The following CNTNAP4 variants were observed in gnomAD, a reference collection of about 807,000 sequenced individuals.
The protein encoded by CNTNAP4 is contactin-associated protein-like 4.
Under a neutral mutation model 148.4 loss-of-function variants are expected in CNTNAP4, and 98 were observed. The ratio of observed to expected loss-of-function variants is 0.66; its 90% CI spans 0.56 to 0.78. The LOEUF is 0.78. CNTNAP4 is among the 30% of genes least tolerant of loss of function. The pLI, the probability that CNTNAP4 is intolerant of heterozygous loss-of-function variation, is 0.00. For synonymous variants in CNTNAP4, 730 were observed against 565.1 expected, an observed-to-expected ratio of 1.29 and a Z score of -4.14; for missense variants, 1,935 against 1,565.6, an observed-to-expected ratio of 1.24 and a Z score of -3.98.
At chr16:76,423,298 GTAC>G (rs2079258722) in intron 3 of CNTNAP4, among the ~76,000 whole-genome samples, 1 of 152,090 alleles carries the variant, frequency 6.6e-6, no homozygotes, top group Non-Finnish European at 1.5e-5. Flanking sequence ...AACCAGAGGA[GTAC>G]TTTAAGAGTG....
At chr16:76,303,037 T>C (rs1960145568) in intron 1 of CNTNAP4, among the ~76,000 whole-genome samples, 1 of 152,232 alleles carries the variant, frequency 6.6e-6, no homozygotes, top group African/African-American at 2.4e-5. Context: ...TGCCAGCTTT[T>C]AGCCAAGCTT....
At chr16:76,347,869 A>C (rs1006020304) in intron 2 of CNTNAP4, among the ~76,000 whole-genome samples, 1 of 152,154 alleles carries the variant, frequency 6.6e-6, no homozygotes, top group African/African-American at 2.4e-5. Flanking sequence ...ATCATTGAGG[A>C]CATTGCAGGT....
chr16:76,415,611 T>C (rs1283772433), intron 3 of CNTNAP4, among the ~76,000 whole-genome samples: 1 of 149,566 alleles, frequency 6.7e-6, no homozygotes, highest in Admixed American at 6.8e-5. Flanking sequence ...AGTGCAGAAA[T>C]TGATGAGTTC....
In CNTNAP4 at chr16:76,316,373, G is replaced by A. The variant is rs747045568; in HGVS notation, c.86-40G>A. On this transcript the variant is annotated intron_variant, in intron 1 of 23. Coordinates refer to ENST00000611870, the MANE Select transcript of CNTNAP4 (RefSeq NM_033401.5). The stretch of plus-strand genomic sequence containing the variant: ...GTCTATTGATTCCACGAAAGCCTCA[G>A]CACTAACTAACCCTAACGTGGCATT... The A allele has an allele frequency of 3.7e-6, 5 of 1,348,718 alleles. No homozygotes were observed. In the South Asian group the frequency reaches 4.7e-5, roughly 13 times the overall value. The allele number at this position is 1,348,718 out of a possible 1,614,324, so 83.5% of individuals were successfully genotyped here.
Position 76,553,509 on chromosome 16 carries a change from A to G in CNTNAP4, c.3661+8A>G. ...GGACACACTCGTTTGCAGGTGACTT[A>G]GAGTTCTTCCTCTACTCAGTCACAG... On this transcript the variant is annotated splice_region_variant and intron_variant, in intron 22 of 23. Coordinates refer to ENST00000611870, the MANE Select transcript of CNTNAP4 (RefSeq NM_033401.5). 1 of 1,594,764 alleles carries G rather than the reference A, an allele frequency of 6.3e-7. No homozygotes were observed. The highest frequency in any genetic ancestry group is 8.6e-7 in the Non-Finnish European group (1 of 1,166,508).
intron 4 of CNTNAP4, among the ~76,000 whole-genome samples, chr16:76,436,938 A>T (rs2079849416): frequency 6.6e-6 from 1 of 151,724 alleles, no homozygotes. Context: ...TGTATTAGTC[A>T]GTATTAATCT....
At chr16:76,558,330 C>A (rs2085280505) in intron 23 of CNTNAP4, 160 bp from the exon 24 acceptor site, 3 of 549,372 alleles carry the variant, frequency 5.5e-6, no homozygotes, top group Non-Finnish European at 9.6e-6. Context: ...TACAATAATA[C>A]TGCTTGAGCC....
rs375653092 is a variant in CNTNAP4 at position 76,299,945 on chromosome 16, C to T, written c.86-16468C>T. On this transcript the variant is annotated intron_variant, in intron 1 of 23. Transcript: ENST00000611870. ...TCACTCATAGGTGGGATTTGAACAA[C>T]GAGAACACATGGACACAGGAAGGGG... 7.2e-5 allele frequency among the ~76,000 whole-genome samples: 11 copies of T among 151,828 alleles called. 1 individual carries two copies. In the East Asian group the frequency reaches 7.8e-4, roughly 11 times the overall value.
chr16:76,417,835 T>C (rs1380878133), intron 3 of CNTNAP4, among the ~76,000 whole-genome samples: 1 of 151,684 alleles, frequency 6.6e-6, no homozygotes, highest in Non-Finnish European at 1.5e-5. Flanking sequence ...TCTTTATTTC[T>C]CCTTCACTTT....
intron 18 of CNTNAP4, among the ~76,000 whole-genome samples, chr16:76,536,608 C>A (rs967002446): frequency 1.3e-5 from 2 of 151,974 alleles, no homozygotes; most frequent in African/African-American, 2.4e-5. Context: ...AACAATATAC[C>A]ATTAAATATC....
intron 1 of CNTNAP4, among the ~76,000 whole-genome samples, chr16:76,280,440 G>A (rs753120019): frequency 4.6e-5 from 7 of 151,958 alleles, no homozygotes; most frequent in African/African-American, 7.3e-5. Flanking sequence ...TACTAGACTC[G>A]TGCTCATTTG....
chr16:76,366,170 G>A (rs958520506), intron 3 of CNTNAP4, among the ~76,000 whole-genome samples: 3 of 152,000 alleles, frequency 2.0e-5, no homozygotes, highest in Admixed American at 2.0e-4. Context: ...TAGGTTCAGG[G>A]ATACATGTGC....
intron 19 of CNTNAP4, 80 bp from the exon 20 acceptor site, chr16:76,539,639 A>C (rs2084362751): frequency 8.2e-7 from 1 of 1,215,744 alleles, no homozygotes; most frequent in South Asian, 1.4e-5. Context: ...AATAGCAACA[A>C]AAAATCACTC....
At chr16:76,489,409 A>G (rs1359504052) in intron 12 of CNTNAP4, among the ~76,000 whole-genome samples, 1 of 152,140 alleles carries the variant, frequency 6.6e-6, no homozygotes, top group Non-Finnish European at 1.5e-5. Context: ...ATTTCTTAAT[A>G]TTTTTCATCA....
chr16:76,503,080 T>G (rs1286182973), intron 15 of CNTNAP4, among the ~76,000 whole-genome samples: 1 of 152,190 alleles, frequency 6.6e-6, no homozygotes, highest in Admixed American at 6.5e-5. Flanking sequence ...AGAAATCAAC[T>G]AGCAAACTAG....
intron 3 of CNTNAP4, among the ~76,000 whole-genome samples, chr16:76,398,453 C>A (rs1237433264): frequency 6.6e-6 from 1 of 152,140 alleles, no homozygotes; most frequent in Non-Finnish European, 1.5e-5. Flanking sequence ...GTCTTCCCTA[C>A]CCACTTTTCC....
chr16:76,543,907 G>A (rs1178532344), intron 21 of CNTNAP4, among the ~76,000 whole-genome samples: 1 of 151,922 alleles, frequency 6.6e-6, no homozygotes, highest in Non-Finnish European at 1.5e-5. Flanking sequence ...TTGCATTTTT[G>A]TAAGCCCAGG....
intron 2 of CNTNAP4, among the ~76,000 whole-genome samples, chr16:76,334,086 A>G (rs1216492460): frequency 2.0e-5 from 3 of 151,828 alleles, no homozygotes; most frequent in African/African-American, 7.2e-5. Context: ...ACACTAAATG[A>G]CGAGTTAATG....
rs2079115402 is a variant in CNTNAP4 at position 76,419,790 on chromosome 16, C to G, written c.391-7662C>G. 5.3e-5 allele frequency among the ~76,000 whole-genome samples: 8 copies of G among 152,016 alleles called. No individual in the cohort carries two copies. The South Asian group carries it at 1.7e-3, about 32-fold the overall frequency. On this transcript the variant is annotated intron_variant, in intron 3 of 23. Coordinates refer to ENST00000611870, the MANE Select transcript of CNTNAP4 (RefSeq NM_033401.5). ...TCCGAGAACAAGGTGCTACCCAATT[C>G]ACTTCTTGGTTAGGGTCCTATTTGT...
Sources: gnomAD v4.1 joint callset for allele counts (sites outside exome capture counted in the v4.1 genomes callset) on GRCh38, gnomAD v4.1.1 for gene constraint, MANE v1.5 for transcripts, NCBI Gene and HGNC (gene_info 2026-07-23, HGNC 2026-07-21) for gene names.